CHI3L2: variants seen among roughly 807,000 people sequenced by gnomAD.
CHI3L2 encodes the protein chitinase-3-like protein 2.
In CHI3L2, 47 loss-of-function variants were observed where a neutral mutation model predicts 47.3. That is an observed-to-expected ratio of 0.99 (90% confidence interval 0.79 to 1.27). The LOEUF (loss-of-function observed/expected upper bound fraction) is 1.27, where lower values mean the gene tolerates loss of function less well. Among genes scored for constraint, CHI3L2 ranks in the 50% most tolerant of loss-of-function variants. The pLI is 0.00. For missense variants in CHI3L2, 497 were observed against 462.1 expected, an observed-to-expected ratio of 1.08 and a Z score of -0.69; for synonymous variants, 198 against 169.9, an observed-to-expected ratio of 1.17 and a Z score of -1.28.
intron 4 of CHI3L2, 83 bp from the exon 5 acceptor site, chr1:111,234,824 G>C (rs1659828939): frequency 1.5e-6 from 2 of 1,325,312 alleles, no homozygotes; most frequent in Non-Finnish European, 2.1e-6. Flanking sequence ...AGAGAAGACT[G>C]CTCAGGATTT....
chr1:111,231,298 A>G lies in CHI3L2; in HGVS notation c.329+4A>G, dbSNP rs1372398839. On this transcript the variant is annotated splice_donor_region_variant and intron_variant, in intron 4 of 10. Transcript: ENST00000369748. ...GGTACCTGTTTGGTTCCAAAGGGTAAGACTACATCTTTATTTTTTGTTCAT... is the reference window on the plus strand; with the variant it reads ...GGTACCTGTTTGGTTCCAAAGGGTAGGACTACATCTTTATTTTTTGTTCAT... 2 of 1,595,986 alleles carry G rather than the reference A, an allele frequency of 1.3e-6. No homozygotes were observed. The highest frequency in any genetic ancestry group is 1.7e-4 in the Middle Eastern group (1 of 6,034).
Position 111,230,733 on chromosome 1 carries a change from C to G in CHI3L2, c.71-9C>G, listed in dbSNP as rs768631324. The G allele has an allele frequency of 5.0e-6, 8 of 1,613,196 alleles. No individual in the cohort carries two copies. Among genetic ancestry groups the G allele is most frequent in the Non-Finnish European group, 6.8e-6 (8 of 1,179,134 alleles). ...TAGAGTCTCACTGGCTCTCTTCACT[C>G]TACTCCAGGATCTGCCTACAAACTG... On this transcript the variant is annotated splice_polypyrimidine_tract_variant and intron_variant, in intron 2 of 10. Transcript: ENST00000369748.
intron 9 of CHI3L2, 151 bp from the exon 10 acceptor site, chr1:111,242,076 C>T: frequency 1.1e-6 from 1 of 901,384 alleles, no homozygotes; most frequent in African/African-American, 1.7e-5. Flanking sequence ...TCTCCCTGAG[C>T]AATCTTACCC....
chr1:111,235,593 A>G (rs1399357717), intron 5 of CHI3L2, 46 bp from the exon 6 acceptor site: 1 of 1,595,734 alleles, frequency 6.3e-7, no homozygotes, highest in Admixed American at 1.7e-5. Context: ...TTAGCACTGT[A>G]CTCTGGGAAG....
At chr1:111,241,629 G>T (rs1660061302) in intron 9 of CHI3L2, among the ~76,000 whole-genome samples, 186 bp downstream of exon 9, 1 of 152,196 alleles carries the variant, frequency 6.6e-6, no homozygotes, top group Non-Finnish European at 1.5e-5. Flanking sequence ...TGTGGTACAG[G>T]TAGAAGAGTT....
intron 3 of CHI3L2, 95 bp downstream of exon 3, chr1:111,231,038 T>C: frequency 9.5e-7 from 1 of 1,051,028 alleles, no homozygotes; most frequent in Admixed American, 2.0e-5. Flanking sequence ...CATTCATTCA[T>C]TCATTCCTAT....
intron 5 of CHI3L2, 114 bp from the exon 6 acceptor site, chr1:111,235,525 G>C: frequency 8.0e-7 from 1 of 1,251,938 alleles, no homozygotes; most frequent in South Asian, 1.5e-5. Flanking sequence ...GGGAGGAAAG[G>C]GTTGATCCTT....
chr1:111,240,151 A>G (rs1247354177), intron 8 of CHI3L2, among the ~76,000 whole-genome samples: 2 of 152,146 alleles, frequency 1.3e-5, no homozygotes, highest in Non-Finnish European at 2.9e-5. Flanking sequence ...ATATCATTCT[A>G]TATCCTGGTC....
rs997929124 is a variant in CHI3L2, at chr1:111,229,681, CAAAAAAA to C, written c.41-153_41-147del. Reference sequence around the variant, plus strand: ...TGGGCGACAGAGCGAGACTCCGTCTCAAAAAAAAAAAAAAAAAAAAAAAAGAAACCAC... The same window carrying C: ...TGGGCGACAGAGCGAGACTCCGTCTCAAAAAAAAAAAAAAAAAGAAACCAC... On this transcript the variant is annotated intron_variant, in intron 1 of 10. Transcript: ENST00000369748. 7.3e-3 allele frequency: 2,863 copies of C among 389,546 alleles called. 1 individual carries two copies. The highest frequency in any genetic ancestry group is 0.027 in the East Asian group (291 of 10,770). 24.1% of individuals were successfully genotyped at this position (389,546 alleles called of 1,614,324 possible). A position where few individuals can be genotyped will look rare whatever the true frequency, so the allele number is the denominator to read the frequency against.
rs755996806 is a variant in CHI3L2, at chr1:111,242,323, C to T, written c.1132C>T (p.Pro378Ser). The change falls in exon 10 of 11, where the codon CCT becomes TCT. Residue 378 changes from proline to serine, a missense_variant. Transcript: ENST00000369748. ...CAAATCCTGCAACCAGGGCCCTTAC[C>T]CTCTTGTCCAAGCAGTCAAGAGAAG... ...TGKSCNQGPYPLVQAVKRSLG... is the reference protein window; with the variant it reads ...TGKSCNQGPYSLVQAVKRSLG... 45 of 1,613,394 alleles carry T rather than the reference C, an allele frequency of 2.8e-5. No individual in the cohort carries two copies. The Admixed American group carries it at 7.3e-4, about 26-fold the overall frequency.
intron 6 of CHI3L2, 76 bp from the exon 7 acceptor site, chr1:111,235,948 A>C: frequency 6.3e-7 from 1 of 1,584,532 alleles, no homozygotes; most frequent in Non-Finnish European, 8.6e-7. Context: ...GCATCATTCA[A>C]AGCCAAAACA....
At position 111,232,144 on chromosome 1, in the gene CHI3L2, A is replaced by G. The variant is rs6664722; in HGVS notation, c.329+850A>G. On this transcript the variant is annotated intron_variant, in intron 4 of 10. Transcript: ENST00000369748. ...GAGAAGAAGTAGTGTTAGAAGACCT[A>G]TGTAGATTTCTGCACACAGAAAGAA... 5.6e-3 allele frequency among the ~76,000 whole-genome samples: 857 copies of G among 152,318 alleles called. 7 individuals carry two copies. The highest frequency in any genetic ancestry group is 0.02 in the African/African-American group (830 of 41,568).
At chr1:111,240,305 C>T (rs960294355) in intron 8 of CHI3L2, among the ~76,000 whole-genome samples, 28 of 152,204 alleles carry the variant, frequency 1.8e-4, no homozygotes, top group African/African-American at 6.8e-4. Flanking sequence ...ATGATTGGCA[C>T]ATCATCAATT....
chr1:111,238,781 G>T lies in CHI3L2; in HGVS notation c.767G>T (p.Gly256Val). 1.9e-6 allele frequency: 3 copies of T among 1,613,908 alleles called. No individual in the cohort carries two copies. The highest frequency in any genetic ancestry group is 2.5e-6 in the Non-Finnish European group (3 of 1,179,894). Residue 256 changes from glycine (G) to valine (V), a missense_variant, in exon 8 of 11, where the codon GGA (glycine) becomes GTA (valine). Transcript: ENST00000369748. Reference protein sequence around the residue: ...EYAVGYWIHKGMPSEKVVMGI... With the variant: ...EYAVGYWIHKVMPSEKVVMGI... ...GCTGTGGGGTACTGGATACATAAGG[G>T]AATGCCATCAGAGAAGGTGGTCATG... is the stretch of plus-strand genomic sequence containing the variant.
At chr1:111,240,352 G>C (rs1234899613) in intron 8 of CHI3L2, among the ~76,000 whole-genome samples, 1 of 152,236 alleles carries the variant, frequency 6.6e-6, no homozygotes, top group Non-Finnish European at 1.5e-5. Flanking sequence ...GTCATTGTGA[G>C]AGTCCTCATT....
At position 111,236,049 on chromosome 1, in the gene CHI3L2, T is replaced by C; in HGVS notation, c.631T>C (p.Ser211Pro). ...AGATCTGGATTTCATCAACCTCCTG[T>C]CCTTTGACTTCCATGGGTCTTGGGA... ...AKDLDFINLL[S>P]FDFHGSWEKP... Residue 211 changes from serine (S) to proline (P), a missense_variant, in exon 7 of 11, where the codon TCC (serine) becomes CCC (proline). Coordinates refer to ENST00000369748, the MANE Select transcript of CHI3L2 (RefSeq NM_004000.3). The C allele has an allele frequency of 6.2e-7, 1 of 1,614,240 alleles. No homozygotes were observed. The highest frequency in any genetic ancestry group is 8.5e-7 in the Non-Finnish European group (1 of 1,180,048).
At position 111,227,761 on chromosome 1, in the gene CHI3L2, T is replaced by C; in HGVS notation, c.32T>C (p.Leu11Pro). 6.2e-7 allele frequency: 1 copy of C among 1,614,160 alleles called. No individual in the cohort carries two copies. The highest frequency in any genetic ancestry group is 1.1e-5 in the South Asian group (1 of 91,086). ...GCAACCACCATGGACCAGAAGTCTC[T>C]CTGGGCAGGTGAGCATGGGGTTGAT... is the stretch of plus-strand genomic sequence containing the variant. MGATTMDQKSLWAGVVVLLLL... is the reference protein window; with the variant it reads MGATTMDQKSPWAGVVVLLLL... The change falls in exon 1 of 11, where the codon CTC (leucine) becomes CCC (proline). Residue 11 changes from leucine to proline, a missense_variant. By Grantham distance (98) the Leu-to-Pro change is moderately conservative (BLOSUM62 -3). Transcript: ENST00000369748.
Position 111,229,882 on chromosome 1 carries a change from G to GAAGTCAA in CHI3L2, c.70+1_70+2insAAGTCAA, listed in dbSNP as rs1659661096. On this transcript the variant is annotated splice_donor_variant, in intron 2 of 10. Transcript: ENST00000369748. LOFTEE classifies it high-confidence loss of function. ...GTGGTCTTGCTGCTTCTCCAGGGAGGTAAGTAGTCAATAAGTCACTACCGC... is the reference window on the plus strand; with the variant it reads ...GTGGTCTTGCTGCTTCTCCAGGGAGGAAGTCAATAAGTAGTCAATAAGTCACTACCGC... The GAAGTCAA allele has an allele frequency of 1.2e-6, 2 of 1,613,648 alleles. No individual in the cohort carries two copies. The highest frequency in any genetic ancestry group is 3.3e-5 in the Admixed American group (2 of 59,992).
Position 111,235,616 on chromosome 1 carries a change from C to G in CHI3L2, c.481-23C>G, listed in dbSNP as rs367743997. 125 of 1,610,134 alleles carry G rather than the reference C, an allele frequency of 7.8e-5. No individual in the cohort carries two copies. The African/African-American group carries it at 1.6e-3, about 21-fold the overall frequency. On this transcript the variant is annotated intron_variant, in intron 5 of 10. Transcript: ENST00000369748. ...GTACTCTGGGAAGGGGAATATTGCA[C>G]CTCGTTTCTTTGTTTTTCCTAGGAG...
Sources: gnomAD v4.1 joint callset for allele counts (sites outside exome capture counted in the v4.1 genomes callset) on GRCh38, gnomAD v4.1.1 for gene constraint, MANE v1.5 for transcripts, NCBI Gene and HGNC (gene_info 2026-07-23, HGNC 2026-07-21) for gene names.